The following IRX5 variants were observed in gnomAD, a reference collection of about 807,000 sequenced individuals.
IRX5 encodes the protein iroquois homeobox 5.
IRX5 carries 8 observed loss-of-function variants against 37.6 expected under a neutral mutation model. The observed-to-expected ratio is 0.21, with a 90% CI of 0.12 to 0.38. IRX5 has a LOEUF of 0.38. Among genes scored for constraint, IRX5 ranks in the 10% least tolerant of loss-of-function variants. The pLI, the probability that IRX5 is intolerant of heterozygous loss-of-function variation, is 1.00. For synonymous variants in IRX5, 359 were observed against 328.6 expected (o/e 1.09, Z -1.00); for missense variants, 635 against 695.2 (o/e 0.91, Z 0.97).
In IRX5 at chr16:54,932,084, T is replaced by A; in HGVS notation, c.250-414T>A. 1 of 702,800 alleles carries A rather than the reference T, an allele frequency of 1.4e-6. No individual in the cohort carries two copies. The highest frequency in any genetic ancestry group is 2.6e-6 in the Non-Finnish European group (1 of 384,974). The allele number at this position is 702,800 out of a possible 1,614,324, so 43.5% of individuals were successfully genotyped here. A position where few individuals can be genotyped will look rare whatever the true frequency, so the allele number is the denominator to read the frequency against. The stretch of plus-strand genomic sequence containing the variant: ...GAAAAAAGAAAAAAAGAGCCTTGAC[T>A]TCCCTTGTTTTCCCCCCTTGCGCCC... On this transcript the variant is annotated intron_variant, in intron 1 of 2. Transcript: ENST00000394636. The surrounding 1 kb of genome is among the most constrained non-coding windows in gnomAD (Gnocchi z 6.7).
rs1963917996 is a variant in IRX5 at position 54,932,961 on chromosome 16, G to A, written c.655+58G>A. 1 of 1,587,210 alleles carries A rather than the reference G, an allele frequency of 6.3e-7. No homozygotes were observed. Among genetic ancestry groups the A allele is most frequent in the Non-Finnish European group, 8.6e-7 (1 of 1,169,420 alleles). On this transcript the variant is annotated intron_variant, in intron 2 of 2. Coordinates refer to ENST00000394636, the MANE Select transcript of IRX5 (RefSeq NM_005853.6). The surrounding 1 kb of genome is among the most constrained non-coding windows in gnomAD (Gnocchi z 6.7). ...GGAGTAAAAAGGAAAAGAGAGGCCT[G>A]GAGGGGGCGCGCACGGGGCCTGGAG...
Position 54,933,477 on chromosome 16 carries a change from C to A in IRX5, c.1056C>A (p.Gly352=), listed in dbSNP as rs748919794. 27 of 1,611,568 alleles carry A rather than the reference C, an allele frequency of 1.7e-5. No homozygotes were observed. The highest frequency in any genetic ancestry group is 4.0e-5 in the African/African-American group (3 of 74,924). ...TSSDKVKDGG[G]GNEGSPCPPC... ...CGGACAAGGTCAAGGACGGGGGCGG[C>A]GGGAACGAGGGCTCTCCATGCCCAC... The change falls in exon 3 of 3, where the codon GGC becomes GGA. Residue 352 remains glycine (G), a synonymous_variant. Coordinates refer to ENST00000394636, the MANE Select transcript of IRX5 (RefSeq NM_005853.6).
Position 54,932,525 on chromosome 16 carries a change from A to G in IRX5, c.277A>G (p.Met93Val), listed in dbSNP as rs745855586. ...VGSPYDHTPG[M>V]AGSLGYHPYA... ...CTCTCCCTACGACCACACACCCGGC[A>G]TGGCGGGCTCCTTGGGGTACCATCC... Residue 93 changes from methionine to valine, a missense_variant, in exon 2 of 3, where the codon ATG becomes GTG. Coordinates refer to ENST00000394636, the MANE Select transcript of IRX5 (RefSeq NM_005853.6). The surrounding 1 kb of genome is among the most constrained non-coding windows in gnomAD (Gnocchi z 6.7). The G allele has an allele frequency of 1.2e-5, 20 of 1,612,964 alleles. No homozygotes were observed. Among genetic ancestry groups the G allele is most frequent in the Non-Finnish European group, 1.7e-5 (20 of 1,179,440 alleles).
In IRX5 at chr16:54,932,822, G is replaced by A; in HGVS notation, c.574G>A (p.Glu192Lys). ...RNRSEDEEEE[E>K]NIDLEKNDED... ...CCGCAGCGAGGACGAGGAAGAGGAG[G>A]AGAACATTGACCTGGAGAAGAACGA... Residue 192 changes from glutamate to lysine, a missense_variant, in exon 2 of 3, where the codon GAG (glutamate) becomes AAG (lysine). Physicochemically the swap from Glu to Lys is moderately conservative, Grantham distance 56. Transcript: ENST00000394636. The surrounding 1 kb of genome is among the most constrained non-coding windows in gnomAD (Gnocchi z 6.7). The A allele has an allele frequency of 2.5e-6, 4 of 1,614,180 alleles. No homozygotes were observed. Among genetic ancestry groups the A allele is most frequent in the Non-Finnish European group, 3.4e-6 (4 of 1,180,030 alleles).
Position 54,933,681 on chromosome 16 carries a change from C to A in IRX5, c.1260C>A (p.His420Gln). The A allele has an allele frequency of 6.2e-7, 1 of 1,613,618 alleles. No homozygotes were observed. Among genetic ancestry groups the A allele is most frequent in the Non-Finnish European group, 8.5e-7 (1 of 1,179,772 alleles). Residue 420 changes from histidine (H) to glutamine (Q), a missense_variant, in exon 3 of 3, where the codon CAC becomes CAA. His to Gln is a conservative substitution (Grantham distance 24). Transcript: ENST00000394636. Reference protein sequence around the residue: ...PGYTNYGSFGHLHGHPGPGPG... With the variant: ...PGYTNYGSFGQLHGHPGPGPG... ...ACACGAACTATGGCTCCTTCGGACA[C>A]CTTCATGGCCACCCGGGGCCCGGGC...
Position 54,933,502 on chromosome 16 carries a change from C to T in IRX5, c.1081C>T (p.Pro361Ser), listed in dbSNP as rs1239020710. ...GGGNEGSPCP[P>S]CPGPIAGQAL... ...CGGGAACGAGGGCTCTCCATGCCCACCGTGTCCCGGGCCCATAGCCGGGCA... is the reference window on the plus strand; with the variant it reads ...CGGGAACGAGGGCTCTCCATGCCCATCGTGTCCCGGGCCCATAGCCGGGCA... Residue 361 changes from proline (P) to serine (S), a missense_variant, in exon 3 of 3, where the codon CCG becomes TCG. Pro to Ser is a moderately conservative substitution (Grantham distance 74). Coordinates refer to ENST00000394636, the MANE Select transcript of IRX5 (RefSeq NM_005853.6). 5.0e-6 allele frequency: 8 copies of T among 1,611,204 alleles called. No homozygotes were observed. Among genetic ancestry groups the T allele is most frequent in the Non-Finnish European group, 6.8e-6 (8 of 1,179,106 alleles).
chr16:54,933,423 G>A lies in IRX5; in HGVS notation c.1002G>A (p.Leu334=). The change falls in exon 3 of 3, where the codon CTG becomes CTA. Residue 334 remains leucine (L), a synonymous_variant. Coordinates refer to ENST00000394636, the MANE Select transcript of IRX5 (RefSeq NM_005853.6). ...PPPAVLAKPK[L]WSLAEIATSS... ...CTGCGGTGCTCGCCAAGCCCAAACT[G>A]TGGTCTTTGGCAGAGATCGCCACAT... The A allele has an allele frequency of 6.2e-7, 1 of 1,609,078 alleles. No homozygotes were observed. Among genetic ancestry groups the A allele is most frequent in the South Asian group, 1.1e-5 (1 of 90,194 alleles).
chr16:54,933,756 C>G lies in IRX5; in HGVS notation c.1335C>G (p.Thr445=). 1.2e-6 allele frequency: 2 copies of G among 1,614,148 alleles called. No homozygotes were observed. The highest frequency in any genetic ancestry group is 2.2e-5 in the East Asian group (1 of 44,854). Residue 445 remains threonine, a synonymous_variant, in exon 3 of 3, where the codon ACC becomes ACG. Transcript: ENST00000394636. ...PGSHFNGLNQ[T]VLNRADALAK... ...CTCATTTCAATGGATTAAACCAGAC[C>G]GTGTTGAACCGAGCGGACGCTTTGG...
Position 54,931,339 on chromosome 16 carries a change from C to G in IRX5, c.141C>G (p.Pro47=). 1.9e-6 allele frequency: 3 copies of G among 1,610,578 alleles called. No individual in the cohort carries two copies. Among genetic ancestry groups the G allele is most frequent in the Middle Eastern group, 1.7e-4 (1 of 5,960 alleles). ...GRSSSGSAFS[P]YAGSTAFTAP... ...CTTCTTCGGGCTCCGCGTTCTCGCC[C>G]TACGCTGGCTCGACTGCCTTCACGG... The change falls in exon 1 of 3, where the codon CCC becomes CCG. Residue 47 remains proline (P), a synonymous_variant. Transcript: ENST00000394636.
chr16:54,931,556 C>T, intron 1 of IRX5, 109 bp downstream of exon 1: 1 of 1,365,868 alleles, frequency 7.3e-7, no homozygotes, highest in Non-Finnish European at 9.6e-7. Flanking sequence ...CCCCGCCAAG[C>T]TTCGCGGCCC....
rs779486877 is a variant in IRX5, at chr16:54,933,384, T to TCCG, written c.972_974dup (p.Pro326dup). The stretch of plus-strand genomic sequence containing the variant: ...GGCCCTCGGTTATCCATTCGCCGCC[T>TCCG]CCGCCGCCGCCTCCTGCGGTGCTCG... On this transcript the variant is annotated inframe_insertion, in exon 3 of 3. Coordinates refer to ENST00000394636, the MANE Select transcript of IRX5 (RefSeq NM_005853.6). The TCCG allele has an allele frequency of 1.9e-6, 3 of 1,547,224 alleles. No homozygotes were observed. The highest frequency in any genetic ancestry group is 8.7e-7 in the Non-Finnish European group (1 of 1,150,628).
rs920164613 is a variant in IRX5 at position 54,932,996 on chromosome 16, A to G, written c.656-81A>G. The G allele has an allele frequency of 1.1e-5, 17 of 1,598,174 alleles. No individual in the cohort carries two copies. The highest frequency in any genetic ancestry group is 1.2e-5 in the Non-Finnish European group (14 of 1,174,338). On this transcript the variant is annotated intron_variant, in intron 2 of 2. Transcript: ENST00000394636. This position sits in a 1 kb window ranked among gnomAD's most constrained non-coding sequence, Gnocchi z 6.7. ...CGCACGGGGCCTGGAGGTTGGGGGC[A>G]GGGGTCCCTGCCTTTGCGGGCGGGA...
At position 54,931,374 on chromosome 16, in the gene IRX5, C is replaced by A. The variant is rs758725985; in HGVS notation, c.176C>A (p.Pro59Gln). 1.7e-5 allele frequency: 28 copies of A among 1,604,074 alleles called. No homozygotes were observed. The highest frequency in any genetic ancestry group is 2.4e-5 in the Non-Finnish European group (28 of 1,179,426). ...TCGACTGCCTTCACGGCGCCCTCGCCGGGCTACAACTCGCACCTCCAGTAC... is the reference window on the plus strand; with the variant it reads ...TCGACTGCCTTCACGGCGCCCTCGCAGGGCTACAACTCGCACCTCCAGTAC... ...AGSTAFTAPS[P>Q]GYNSHLQYGA... Residue 59 changes from proline (P) to glutamine (Q), a missense_variant, in exon 1 of 3, where the codon CCG becomes CAG. Physicochemically the swap from Pro to Gln is moderately conservative, Grantham distance 76. Around this residue, in one of 5 missense-constraint regions of IRX5, gnomAD observed 145 missense variants for 152.4 expected, o/e 0.95. Coordinates refer to ENST00000394636, the MANE Select transcript of IRX5 (RefSeq NM_005853.6).
rs200111411 is a variant in IRX5, at chr16:54,933,112, C to T, written c.691C>T (p.Arg231Trp). 1.3e-5 allele frequency: 20 copies of T among 1,589,560 alleles called. No homozygotes were observed. Among genetic ancestry groups the T allele is most frequent in the South Asian group, 2.2e-5 (2 of 89,272 alleles). Reference protein sequence around the residue: ...AEQKAASGCERLQGPPTPAGK... With the variant: ...AEQKAASGCEWLQGPPTPAGK... ...GCAGAAGGCGGCTTCGGGCTGCGAACGGCTTCAGGGACCACCCACCCCTGC... is the reference window on the plus strand; with the variant it reads ...GCAGAAGGCGGCTTCGGGCTGCGAATGGCTTCAGGGACCACCCACCCCTGC... Residue 231 changes from arginine to tryptophan, a missense_variant, in exon 3 of 3, where the codon CGG becomes TGG. Physicochemically the swap from Arg to Trp is moderately radical, Grantham distance 101 (BLOSUM62 -3). Coordinates refer to ENST00000394636, the MANE Select transcript of IRX5 (RefSeq NM_005853.6).
chr16:54,933,017 C>G, intron 2 of IRX5, 60 bp from the exon 3 acceptor site: 2 of 1,602,784 alleles, frequency 1.2e-6, no homozygotes, highest in South Asian at 1.1e-5. Flanking sequence ...CCTTTGCGGG[C>G]GGGAACCGGG....
Position 54,932,975 on chromosome 16 carries a change from C to T in IRX5, c.655+72C>T, listed in dbSNP as rs1348274029. On this transcript the variant is annotated intron_variant, in intron 2 of 2. Transcript: ENST00000394636. This position sits in a 1 kb window ranked among gnomAD's most constrained non-coding sequence, Gnocchi z 6.7. ...AAGAGAGGCCTGGAGGGGGCGCGCA[C>T]GGGGCCTGGAGGTTGGGGGCAGGGG... 3 of 1,585,062 alleles carry T rather than the reference C, an allele frequency of 1.9e-6. No individual in the cohort carries two copies. Among genetic ancestry groups the T allele is most frequent in the East Asian group, 2.2e-5 (1 of 44,546 alleles).
chr16:54,931,581 G>A, intron 1 of IRX5, 134 bp downstream of exon 1: 3 of 1,240,170 alleles, frequency 2.4e-6, no homozygotes, highest in Non-Finnish European at 3.2e-6. Flanking sequence ...AAACTTGGGC[G>A]ATTGTCTCCG....
rs1963891251 is a variant in IRX5 at position 54,931,204 on chromosome 16, C to T, written c.6C>T (p.Ser2=). M[S]YPQGYLYQPS... is the part of the protein sequence containing the mutation. ...CCCCATGCCCGTGTGTGGCCATGTC[C>T]TATCCGCAGGGCTACTTGTACCAGC... Residue 2 remains serine (S), a synonymous_variant, in exon 1 of 3, where the codon TCC becomes TCT. Transcript: ENST00000394636. 1 of 1,607,474 alleles carries T rather than the reference C, an allele frequency of 6.2e-7. No individual in the cohort carries two copies. Among genetic ancestry groups the T allele is most frequent in the Admixed American group, 1.7e-5 (1 of 59,680 alleles).
At position 54,932,378 on chromosome 16, in the gene IRX5, C is replaced by T; in HGVS notation, c.250-120C>T. 1 of 1,172,534 alleles carries T rather than the reference C, an allele frequency of 8.5e-7. No homozygotes were observed. The highest frequency in any genetic ancestry group is 2.6e-5 in the Admixed American group (1 of 38,486). The allele number at this position is 1,172,534 out of a possible 1,614,324, so 72.6% of individuals were successfully genotyped here. On this transcript the variant is annotated intron_variant, in intron 1 of 2. Transcript: ENST00000394636. The surrounding 1 kb of genome is among the most constrained non-coding windows in gnomAD (Gnocchi z 6.7). ...CCCGCCAGCCTTGCCCCGTAGGAAGCTGGAGTGCGGGCCTCGTCCACCCAC... is the reference window on the plus strand; with the variant it reads ...CCCGCCAGCCTTGCCCCGTAGGAAGTTGGAGTGCGGGCCTCGTCCACCCAC...
Sources: allele counts gnomAD v4.1 joint callset, GRCh38; gene constraint gnomAD v4.1.1; regional missense constraint gnomAD v4.1.1; non-coding constraint Gnocchi (gnomAD v3.1); transcripts MANE v1.5; gene names NCBI Gene and HGNC (gene_info 2026-07-23, HGNC 2026-07-21).